COMMD1: variants seen among roughly 807,000 people sequenced by gnomAD.
The protein encoded by COMMD1 is copper metabolism domain containing 1, also known as COMM domain-containing protein 1.
In COMMD1, 10 loss-of-function variants were observed where a neutral mutation model predicts 17.2. The ratio of observed to expected loss-of-function variants is 0.58; its 90% CI spans 0.36 to 0.99. COMMD1 has a LOEUF of 0.99. Ranked by LOEUF, COMMD1 falls within the 50% of genes least tolerant of loss-of-function variation. The probability of loss-of-function intolerance (pLI) is 0.01; values close to 1 mark genes in which losing one functional copy is unlikely to be tolerated. For missense variants in COMMD1, 270 were observed against 231.8 expected (o/e 1.17, Z -1.07); for synonymous variants, 97 against 91.6 (o/e 1.06, Z -0.34).
At chr2:62,036,099 A>G (rs1330849789) in intron 2 of COMMD1, among the ~76,000 whole-genome samples, 1 of 151,210 alleles carries the variant, frequency 6.6e-6, no homozygotes, top group South Asian at 2.1e-4. Context: ...CAAAGTTAGG[A>G]TGGTTTCTTA....
chr2:62,100,639 C>G (rs537553331), intron 2 of COMMD1, among the ~76,000 whole-genome samples: 2 of 152,248 alleles, frequency 1.3e-5, no homozygotes, highest in South Asian at 4.2e-4. Flanking sequence ...TTGAGTTTAT[C>G]TAAGGACCTA....
At chr2:62,075,949 TGTTGTAA>T (rs1311442390) in intron 2 of COMMD1, among the ~76,000 whole-genome samples, 1 of 152,252 alleles carries the variant, frequency 6.6e-6, no homozygotes, top group African/African-American at 2.4e-5. Context: ...GAGACCACTC[TGTTGTAA>T]GTTCCTAGAC....
intron 2 of COMMD1, among the ~76,000 whole-genome samples, chr2:62,117,122 A>C (rs1251437268): frequency 1.3e-5 from 2 of 152,106 alleles, no homozygotes; most frequent in East Asian, 3.8e-4. Flanking sequence ...CCACAGAAAG[A>C]TAGAAGGAAT....
intron 2 of COMMD1, among the ~76,000 whole-genome samples, chr2:62,101,736 G>C (rs1243730865): frequency 6.6e-6 from 1 of 152,048 alleles, no homozygotes; most frequent in African/African-American, 2.4e-5. Context: ...ATGAAGTAAA[G>C]TTCTTTACTT....
At chr2:62,073,072 G>T (rs1000917763) in intron 2 of COMMD1, among the ~76,000 whole-genome samples, 1 of 152,244 alleles carries the variant, frequency 6.6e-6, no homozygotes, top group Non-Finnish European at 1.5e-5. Flanking sequence ...TCACTGCCCT[G>T]TGTGGACCGC....
At chr2:62,015,406 T>C (rs1347758257) in intron 2 of COMMD1, among the ~76,000 whole-genome samples, 1 of 152,250 alleles carries the variant, frequency 6.6e-6, no homozygotes, top group Non-Finnish European at 1.5e-5. Context: ...TACCACATTT[T>C]GTTTATCCAT....
chr2:62,079,903 AGG>A (rs1671471264), intron 2 of COMMD1: 1 of 152,230 alleles, frequency 6.6e-6, no homozygotes, highest in Non-Finnish European at 1.5e-5. Context: ...TTAAATAAAT[AGG>A]GAGAGGTGGA....
chr2:61,928,318 G>C (rs1423194998), intron 1 of COMMD1, among the ~76,000 whole-genome samples: 1 of 151,866 alleles, frequency 6.6e-6, no homozygotes, highest in African/African-American at 2.4e-5. Context: ...GTGCTACCAT[G>C]CCTGGCTAAT....
chr2:61,992,507 T>A (rs759654206), intron 1 of COMMD1, among the ~76,000 whole-genome samples: 1 of 152,204 alleles, frequency 6.6e-6, no homozygotes, highest in Non-Finnish European at 1.5e-5. Flanking sequence ...GTGGTCACAC[T>A]GCCTGTATTT....
chr2:62,102,980 C>CTTTT (rs1237752965), intron 2 of COMMD1, among the ~76,000 whole-genome samples: 1 of 140,808 alleles, frequency 7.1e-6, no homozygotes. Context: ...CTTTTTCTTT[C>CTTTT]TTTTTTTTTT....
intron 2 of COMMD1, among the ~76,000 whole-genome samples, chr2:62,087,127 T>C (rs1024840858): frequency 6.6e-6 from 1 of 152,182 alleles, no homozygotes; most frequent in African/African-American, 2.4e-5. Context: ...CTGGCTGATA[T>C]TGGAAGAATT....
At chr2:62,008,490 G>C (rs1420106881) in intron 2 of COMMD1, among the ~76,000 whole-genome samples, 1 of 152,054 alleles carries the variant, frequency 6.6e-6, no homozygotes, top group East Asian at 1.9e-4. Context: ...TTTTATCAAC[G>C]TTCAGTCACC....
intron 1 of COMMD1, among the ~76,000 whole-genome samples, chr2:61,948,292 CTA>C (rs1670962344): frequency 6.6e-6 from 1 of 152,066 alleles, no homozygotes; most frequent in East Asian, 1.9e-4. Flanking sequence ...CAATATTAAA[CTA>C]TTTTTTTCTT....
chr2:62,036,489 A>T (rs1222446148), intron 2 of COMMD1, among the ~76,000 whole-genome samples: 1 of 152,220 alleles, frequency 6.6e-6, no homozygotes, highest in African/African-American at 2.4e-5. Flanking sequence ...TAGTCTTTAA[A>T]TTATTGTGTA....
intron 1 of COMMD1, among the ~76,000 whole-genome samples, chr2:61,910,499 G>T (rs1669877233): frequency 6.6e-6 from 1 of 152,104 alleles, no homozygotes; most frequent in South Asian, 2.1e-4. Context: ...CACCCTCCTT[G>T]GCGTCCCATA....
At chr2:61,951,177 T>C (rs1671043427) in intron 1 of COMMD1, among the ~76,000 whole-genome samples, 1 of 152,090 alleles carries the variant, frequency 6.6e-6, no homozygotes, top group Non-Finnish European at 1.5e-5. Context: ...AATATGTCTT[T>C]CTGCGGCTGG....
At chr2:62,027,588 G>C (rs77723432) in intron 2 of COMMD1, among the ~76,000 whole-genome samples, 4,432 of 152,134 alleles carry the variant, frequency 0.029, 108 homozygotes, top group Middle Eastern at 0.041. Flanking sequence ...TGACAGAAAA[G>C]GACAGCAATG....
intron 2 of COMMD1, among the ~76,000 whole-genome samples, chr2:62,075,953 G>A (rs1378665269): frequency 6.6e-6 from 1 of 152,218 alleles, no homozygotes; most frequent in Non-Finnish European, 1.5e-5. Context: ...CCACTCTGTT[G>A]TAAGTTCCTA....
chr2:62,019,364 G>C lies in COMMD1; in HGVS notation c.462+18382G>C, dbSNP rs1196508654. The stretch of plus-strand genomic sequence containing the variant: ...AATTTTTTGTATTTTTAGTAGAGAT[G>C]GGGTTTCACCATGTTGGCCAGGCTG... On this transcript the variant is annotated intron_variant, in intron 2 of 2. Transcript: ENST00000311832. Among the ~76,000 whole-genome samples the C allele has an allele frequency of 2.6e-5, 4 of 151,904 alleles. 1 individual carries two copies. In the South Asian group the frequency reaches 6.3e-4, roughly 24 times the overall value.
Sources: allele counts gnomAD v4.1 joint callset (sites outside exome capture counted in the v4.1 genomes callset), GRCh38; gene constraint gnomAD v4.1.1; transcripts MANE v1.5; gene names NCBI Gene and HGNC (gene_info 2026-07-23, HGNC 2026-07-21).